ELOVL4: variants seen among roughly 807,000 people sequenced by gnomAD.
The protein encoded by ELOVL4 is very long chain fatty acid elongase 4.
Under a neutral mutation model 42.1 loss-of-function variants are expected in ELOVL4, and 18 were observed. That is an observed-to-expected ratio of 0.43 (90% confidence interval 0.30 to 0.63). The LOEUF (loss-of-function observed/expected upper bound fraction) is 0.63. Ranked by LOEUF, ELOVL4 falls within the 30% of genes least tolerant of loss-of-function variation. The pLI is 0.15. For synonymous variants in ELOVL4, 117 were observed against 127.0 expected (o/e 0.92, Z 0.53); for missense variants, 299 against 376.2 (o/e 0.79, Z 1.70).
At chr6:79,937,666 G>C (rs1483324486) in intron 1 of ELOVL4, among the ~76,000 whole-genome samples, 1 of 152,122 alleles carries the variant, frequency 6.6e-6, no homozygotes, top group Non-Finnish European at 1.5e-5. Flanking sequence ...CAATAAAATG[G>C]TATTTATTGA....
chr6:79,932,378 T>C (rs999583417), intron 1 of ELOVL4, among the ~76,000 whole-genome samples: 38 of 151,936 alleles, frequency 2.5e-4, no homozygotes, highest in African/African-American at 8.9e-4. Context: ...CTGTCTCTAC[T>C]AAAAATACAA....
chr6:79,941,523 C>T (rs1046857687), intron 1 of ELOVL4, among the ~76,000 whole-genome samples: 11 of 152,194 alleles, frequency 7.2e-5, no homozygotes, highest in South Asian at 2.1e-4. Context: ...ATTTAGTGAA[C>T]GGCAACTGAA....
At chr6:79,923,083 C>G (rs2127698779) in intron 3 of ELOVL4, among the ~76,000 whole-genome samples, 1 of 152,284 alleles carries the variant, frequency 6.6e-6, no homozygotes, top group Non-Finnish European at 1.5e-5. Flanking sequence ...TCTCCTCTAT[C>G]TGGACCTCTA....
chr6:79,923,459 A>G (rs1348056001), intron 3 of ELOVL4, among the ~76,000 whole-genome samples: 1 of 152,136 alleles, frequency 6.6e-6, no homozygotes, highest in Non-Finnish European at 1.5e-5. Context: ...GGGTTTTTCT[A>G]TGCATACTCC....
intron 1 of ELOVL4, among the ~76,000 whole-genome samples, chr6:79,932,801 A>G (rs1349201519): frequency 6.6e-6 from 1 of 152,170 alleles, no homozygotes; most frequent in East Asian, 1.9e-4. Flanking sequence ...ACTGCTATGC[A>G]GTGTGATGAG....
At chr6:79,944,987 CAAAAAAAAAAAAAAA>C (rs200726708) in intron 1 of ELOVL4, among the ~76,000 whole-genome samples, 35 of 93,008 alleles carry the variant, frequency 3.8e-4, no homozygotes, top group Non-Finnish European at 7.5e-4. Flanking sequence ...TGAATGAGTC[CAAAAAAAAAAAAAAA>C]AAAAAAAAAG....
intron 1 of ELOVL4, among the ~76,000 whole-genome samples, chr6:79,938,660 G>A (rs1375417153): frequency 6.6e-6 from 1 of 152,076 alleles, no homozygotes; most frequent in Non-Finnish European, 1.5e-5. Context: ...TATGTATATA[G>A]TATATGAATA....
chr6:79,945,870 A>G lies in ELOVL4; in HGVS notation c.100+1310T>C, dbSNP rs116551390. Among the ~76,000 whole-genome samples the G allele has an allele frequency of 2.0e-3, 298 of 152,368 alleles. 2 individuals carry two copies. Among genetic ancestry groups the G allele is most frequent in the African/African-American group, 6.8e-3 (284 of 41,594 alleles). ...ATTTTCAGCTGTAATGGCTTATTAA[A>G]TAGCTTATTTCCCAGTGTCAAAGTT... On this transcript the variant is annotated intron_variant, in intron 1 of 5. Transcript: ENST00000369816.
At chr6:79,925,735 T>C (rs78080620) in intron 2 of ELOVL4, among the ~76,000 whole-genome samples, 6,811 of 152,218 alleles carry the variant, frequency 0.045, 523 homozygotes, top group African/African-American at 0.15. Context: ...CATTATGTAA[T>C]AGGATTTACT....
intron 1 of ELOVL4, among the ~76,000 whole-genome samples, chr6:79,926,614 A>G (rs1246910809): frequency 6.6e-6 from 1 of 152,236 alleles, no homozygotes; most frequent in Non-Finnish European, 1.5e-5. Context: ...ATTATGTTTT[A>G]CAGAGACCCT....
At chr6:79,926,451 A>G in intron 1 of ELOVL4, 70 bp from the exon 2 acceptor site, 1 of 1,459,154 alleles carries the variant, frequency 6.9e-7, no homozygotes, top group Non-Finnish European at 9.4e-7. Flanking sequence ...CTTTTTAGGA[A>G]TCAAGATGTT....
At chr6:79,939,599 C>T (rs1008408002) in intron 1 of ELOVL4, among the ~76,000 whole-genome samples, 4 of 152,056 alleles carry the variant, frequency 2.6e-5, no homozygotes, top group African/African-American at 7.2e-5. Context: ...TTATGGTTCA[C>T]TGAAGCCTTC....
chr6:79,947,455 A>T lies in ELOVL4; in HGVS notation c.-176T>A. ...CGCCGCGGCGGCGGGGATGCGGCAG[A>T]AGGCAGGGCCAAGCGGAAGGCGTCG... On this transcript the variant is annotated 5_prime_UTR_variant, in exon 1 of 6. Coordinates refer to ENST00000369816, the MANE Select transcript of ELOVL4 (RefSeq NM_022726.4). 1.6e-6 allele frequency: 1 copy of T among 629,938 alleles called. No individual in the cohort carries two copies. The highest frequency in any genetic ancestry group is 1.8e-5 in the South Asian group (1 of 55,126). The allele number at this position is 629,938 out of a possible 1,614,324, so 39.0% of individuals were successfully genotyped here.
intron 1 of ELOVL4, among the ~76,000 whole-genome samples, chr6:79,945,267 T>G (rs1450942957): frequency 6.6e-6 from 1 of 152,218 alleles, no homozygotes; most frequent in Non-Finnish European, 1.5e-5. Context: ...TCCTTCGGCC[T>G]GCTAGTGAGA....
intron 1 of ELOVL4, among the ~76,000 whole-genome samples, chr6:79,934,202 T>C (rs1774504479): frequency 6.6e-6 from 1 of 152,002 alleles, no homozygotes; most frequent in Non-Finnish European, 1.5e-5. Context: ...AAGGAGCATG[T>C]ACAGTGAGAG....
chr6:79,920,760 G>C (rs1019555264), intron 4 of ELOVL4, among the ~76,000 whole-genome samples: 3 of 152,160 alleles, frequency 2.0e-5, no homozygotes, highest in Non-Finnish European at 4.4e-5. Flanking sequence ...ACATGGAAAA[G>C]GGCTAAGAGG....
chr6:79,917,476 G>A (rs1774181196), intron 5 of ELOVL4, among the ~76,000 whole-genome samples: 1 of 152,160 alleles, frequency 6.6e-6, no homozygotes, highest in African/African-American at 2.4e-5. Flanking sequence ...ATTTCTTACA[G>A]ATAGTAGGCA....
chr6:79,931,646 G>A (rs555372777), intron 1 of ELOVL4, among the ~76,000 whole-genome samples: 8 of 152,112 alleles, frequency 5.3e-5, no homozygotes, highest in Non-Finnish European at 1.2e-4. Context: ...CTTGGGCCAG[G>A]ATCATGAATG....
intron 1 of ELOVL4, among the ~76,000 whole-genome samples, chr6:79,928,590 G>C (rs1182689952): frequency 2.0e-5 from 3 of 152,040 alleles, no homozygotes; most frequent in Non-Finnish European, 4.4e-5. Flanking sequence ...AGAGACACTA[G>C]TGAGAAGCTG....
Sources: gnomAD v4.1 joint callset for allele counts (sites outside exome capture counted in the v4.1 genomes callset) on GRCh38, gnomAD v4.1.1 for gene constraint, MANE v1.5 for transcripts, NCBI Gene and HGNC (gene_info 2026-07-23, HGNC 2026-07-21) for gene names.